Variants in DACH1 observed in about 807,000 individuals in gnomAD.
DACH1 encodes the protein dachshund family transcription factor 1.
Under a neutral mutation model 54.2 loss-of-function variants are expected in DACH1, and 12 were observed. The observed-to-expected ratio is 0.22, with a 90% confidence interval of 0.14 to 0.36. The LOEUF (loss-of-function observed/expected upper bound fraction) is 0.36. Among genes scored for constraint, DACH1 ranks in the 10% least tolerant of loss-of-function variants. DACH1 has a pLI of 1.00. For missense variants in DACH1, 805 were observed against 929.8 expected (o/e 0.87, Z 1.75); for synonymous variants, 386 against 366.2 (o/e 1.05, Z -0.62).
chr13:71,821,164 G>A (rs1017505341), intron 1 of DACH1, among the ~76,000 whole-genome samples: 1 of 152,172 alleles, frequency 6.6e-6, no homozygotes, highest in Admixed American at 6.5e-5. Flanking sequence ...TCTCCCATTT[G>A]TGAACATTGG....
intron 7 of DACH1, among the ~76,000 whole-genome samples, chr13:71,479,784 C>T (rs931076602): frequency 1.3e-5 from 2 of 152,180 alleles, no homozygotes; most frequent in Non-Finnish European, 2.9e-5. Flanking sequence ...CACATAGCCA[C>T]AATGGTCTCC....
chr13:71,719,916 T>TA (rs1412380762), intron 1 of DACH1, among the ~76,000 whole-genome samples: 1 of 152,156 alleles, frequency 6.6e-6, no homozygotes, highest in Non-Finnish European at 1.5e-5. Flanking sequence ...TATTGAAATA[T>TA]ATTAACTGTT....
chr13:71,629,102 C>T (rs557493862), intron 3 of DACH1, among the ~76,000 whole-genome samples: 1 of 152,060 alleles, frequency 6.6e-6, no homozygotes, highest in Non-Finnish European at 1.5e-5. Flanking sequence ...AAGGCTTTTA[C>T]TTTAAAGTAA....
chr13:71,826,948 T>G (rs973856568), intron 1 of DACH1, among the ~76,000 whole-genome samples: 1 of 152,070 alleles, frequency 6.6e-6, no homozygotes, highest in Admixed American at 6.6e-5. Context: ...AGCTTTACAA[T>G]TACGTATGTA....
intron 10 of DACH1, among the ~76,000 whole-genome samples, chr13:71,461,582 C>A (rs1593729458): frequency 6.6e-6 from 1 of 151,972 alleles, no homozygotes; most frequent in South Asian, 2.1e-4. Context: ...GGCTTATGGT[C>A]CCATTGGGGT....
At chr13:71,445,085 C>T (rs1005951905) in intron 10 of DACH1, among the ~76,000 whole-genome samples, 2 of 152,050 alleles carry the variant, frequency 1.3e-5, no homozygotes, top group Non-Finnish European at 1.5e-5. Context: ...CGATAAGCCC[C>T]GTGGAAGAGG....
intron 10 of DACH1, among the ~76,000 whole-genome samples, chr13:71,456,863 T>C (rs1193013507): frequency 1.3e-5 from 2 of 152,064 alleles, no homozygotes; most frequent in Non-Finnish European, 2.9e-5. Context: ...ACAGCTCTAT[T>C]TCTTTACAAG....
At chr13:71,445,904 C>T (rs980619683) in intron 10 of DACH1, among the ~76,000 whole-genome samples, 6 of 152,134 alleles carry the variant, frequency 3.9e-5, no homozygotes, top group Non-Finnish European at 7.4e-5. Context: ...GAATGAAAGG[C>T]GGATGGCAAA....
chr13:71,587,891 TTAAAG>T (rs1390132691), intron 3 of DACH1, among the ~76,000 whole-genome samples: 1 of 152,086 alleles, frequency 6.6e-6, no homozygotes, highest in Non-Finnish European at 1.5e-5. Context: ...GAAAGGTAGA[TTAAAG>T]TAAAAGCTGC....
intron 1 of DACH1, among the ~76,000 whole-genome samples, chr13:71,702,799 C>T (rs1882216366): frequency 6.6e-6 from 1 of 151,946 alleles, no homozygotes; most frequent in Non-Finnish European, 1.5e-5. Context: ...TAGATCTCTT[C>T]TAAAGTCAAT....
chr13:71,854,294 C>A (rs1308369889), intron 1 of DACH1, among the ~76,000 whole-genome samples: 2 of 151,210 alleles, frequency 1.3e-5, no homozygotes, highest in African/African-American at 2.4e-5. Flanking sequence ...CTATTTCATG[C>A]ACAATTTCAC....
At chr13:71,490,648 A>G (rs1878901599) in intron 6 of DACH1, among the ~76,000 whole-genome samples, 1 of 152,208 alleles carries the variant, frequency 6.6e-6, no homozygotes, top group South Asian at 2.1e-4. Flanking sequence ...AAAGATGGCC[A>G]TGCAGGGGCA....
chr13:71,620,078 T>C (rs775444560), intron 3 of DACH1, among the ~76,000 whole-genome samples: 3 of 151,948 alleles, frequency 2.0e-5, no homozygotes, highest in Non-Finnish European at 4.4e-5. Flanking sequence ...ACCACCTTGA[T>C]AAGATGTTTA....
At chr13:71,501,326 A>C (rs549307845) in intron 6 of DACH1, among the ~76,000 whole-genome samples, 2 of 152,320 alleles carry the variant, frequency 1.3e-5, no homozygotes, top group African/African-American at 4.8e-5. Context: ...CATATATGAA[A>C]ACAGGTGAAA....
intron 1 of DACH1, among the ~76,000 whole-genome samples, chr13:71,860,724 A>G (rs937174373): frequency 3.3e-5 from 5 of 151,956 alleles, no homozygotes; most frequent in African/African-American, 9.7e-5. Flanking sequence ...TGCTCATACA[A>G]TGCAATCGAA....
intron 2 of DACH1, chr13:71,675,198 T>TA: frequency 1.3e-6 from 2 of 1,573,596 alleles, no homozygotes. Flanking sequence ...ACAGGCCTGG[T>TA]ACTGTGGCGC....
chr13:71,648,226 A>G (rs1005055889), intron 2 of DACH1, among the ~76,000 whole-genome samples: 2 of 152,214 alleles, frequency 1.3e-5, no homozygotes, highest in African/African-American at 4.8e-5. Flanking sequence ...TTTGAGCTAT[A>G]TCAAATAGAC....
chr13:71,594,032 A>G (rs1873915463), intron 3 of DACH1, among the ~76,000 whole-genome samples: 1 of 151,406 alleles, frequency 6.6e-6, no homozygotes, highest in South Asian at 2.1e-4. Flanking sequence ...ATATTAACAT[A>G]ATATAGAAAA....
intron 1 of DACH1, among the ~76,000 whole-genome samples, chr13:71,752,381 A>T (rs891596855): frequency 6.6e-6 from 1 of 152,166 alleles, no homozygotes; most frequent in Non-Finnish European, 1.5e-5. Context: ...ATTAGTGTCT[A>T]TCAAAATAGT....
Sources: allele counts gnomAD v4.1 joint callset (sites outside exome capture counted in the v4.1 genomes callset), GRCh38; gene constraint gnomAD v4.1.1; transcripts MANE v1.5; gene names NCBI Gene and HGNC (gene_info 2026-07-23, HGNC 2026-07-21).